POLQ: variants seen among roughly 807,000 people sequenced by gnomAD.
POLQ encodes the protein epididymis secretory sperm binding protein.
A neutral mutation model predicts 259.2 loss-of-function variants in POLQ; 233 were observed. The ratio of observed to expected loss-of-function variants is 0.90; its 90% CI spans 0.81 to 1.00. The LOEUF (loss-of-function observed/expected upper bound fraction) is 1.00. POLQ is among the 50% of genes least tolerant of loss of function. POLQ has a pLI of 0.00. For missense variants in POLQ, 2,871 were observed against 3,051.6 expected, an observed-to-expected ratio of 0.94 and a Z score of 1.39; for synonymous variants, 1,025 against 1,048.8, an observed-to-expected ratio of 0.98 and a Z score of 0.44.
chr3:121,509,725 G>A (rs775636053), intron 11 of POLQ, 22 bp from the exon 12 acceptor site: 1 of 1,591,554 alleles, frequency 6.3e-7, no homozygotes, highest in Non-Finnish European at 8.5e-7. Context: ...TTAGGGTGAG[G>A]AAACAGAGGA....
At chr3:121,445,184 T>C (rs1476286056) in intron 26 of POLQ, among the ~76,000 whole-genome samples, 1 of 152,200 alleles carries the variant, frequency 6.6e-6, no homozygotes, top group East Asian at 1.9e-4. Context: ...GTAGGATTGG[T>C]ATTAGTTATT....
At chr3:121,446,582 A>G (rs1381270437) in intron 26 of POLQ, among the ~76,000 whole-genome samples, 1 of 152,022 alleles carries the variant, frequency 6.6e-6, no homozygotes, top group Non-Finnish European at 1.5e-5. Context: ...TTTAGCTCTA[A>G]TGATATTTGC....
intron 10 of POLQ, 134 bp from the exon 11 acceptor site, chr3:121,510,377 A>C (rs926911536): frequency 3.2e-6 from 2 of 631,108 alleles, no homozygotes; most frequent in African/African-American, 1.8e-5. Context: ...GGAGATGGAG[A>C]CCATCCTGGT....
Position 121,488,146 on chromosome 3 carries a change from A to G in POLQ, c.4785T>C (p.Asp1595=), listed in dbSNP as rs1360625865. ...CTTGGTGGTGCTCATCAAGTACTGGATCACTTAGTTCTAATGCTCTAGGAG... is the reference window on the plus strand; with the variant it reads ...CTTGGTGGTGCTCATCAAGTACTGGGTCACTTAGTTCTAATGCTCTAGGAG... ...VVSPRALELS[D]PVLDEHHQGD... The change falls in exon 16 of 30, where the codon GAT becomes GAC. Residue 1595 remains aspartate (D), a synonymous_variant. Coordinates refer to ENST00000264233, the MANE Select transcript of POLQ (RefSeq NM_199420.4). 1 of 1,613,312 alleles carries G rather than the reference A, an allele frequency of 6.2e-7. No individual in the cohort carries two copies. Among genetic ancestry groups the G allele is most frequent in the Admixed American group, 1.7e-5 (1 of 59,970 alleles).
At chr3:121,486,993 TTA>T (rs1280719972) in intron 16 of POLQ, among the ~76,000 whole-genome samples, 3 of 151,942 alleles carry the variant, frequency 2.0e-5, no homozygotes, top group African/African-American at 4.8e-5. Flanking sequence ...ATAAAAACCA[TTA>T]TGTTACAACA....
In POLQ at chr3:121,432,179, A is replaced by G; in HGVS notation, c.*125T>C. The G allele has an allele frequency of 9.4e-6, 8 of 855,554 alleles. No individual in the cohort carries two copies. The highest frequency in any genetic ancestry group is 1.4e-5 in the Non-Finnish European group (8 of 586,808). The allele number at this position is 855,554 out of a possible 1,614,324, so 53.0% of individuals were successfully genotyped here. A position where few individuals can be genotyped will look rare whatever the true frequency, so the allele number is the denominator to read the frequency against. On this transcript the variant is annotated 3_prime_UTR_variant, in exon 30 of 30. Coordinates refer to ENST00000264233, the MANE Select transcript of POLQ (RefSeq NM_199420.4). ...AGTTTGAAACTCTCACTATAAAATT[A>G]CTAGGCTAAGTCTATCAAGACTTGA...
At chr3:121,510,269 T>G in intron 10 of POLQ, 26 bp from the exon 11 acceptor site, 1 of 1,563,848 alleles carries the variant, frequency 6.4e-7, no homozygotes, top group Non-Finnish European at 8.8e-7. Context: ...TGGAAATTTC[T>G]GTAGCTTTTT....
chr3:121,500,625 A>G (rs965229763), intron 12 of POLQ, among the ~76,000 whole-genome samples: 2 of 152,200 alleles, frequency 1.3e-5, no homozygotes, highest in Non-Finnish European at 2.9e-5. Context: ...GAGTACCAGG[A>G]GAAGATAGAA....
At chr3:121,519,231 G>C (rs1290234038) in intron 9 of POLQ, among the ~76,000 whole-genome samples, 1 of 151,788 alleles carries the variant, frequency 6.6e-6, no homozygotes, top group African/African-American at 2.4e-5. Context: ...ACTACACCTA[G>C]AAATTAAAAA....
chr3:121,459,516 G>C (rs1401732330), intron 25 of POLQ, among the ~76,000 whole-genome samples: 11 of 151,732 alleles, frequency 7.2e-5, no homozygotes, highest in Non-Finnish European at 1.6e-4. Context: ...CAAGTAGCTG[G>C]GACTACAGGC....
chr3:121,490,034 G>T lies in POLQ; in HGVS notation c.2897C>A (p.Thr966Lys). ...CTGGAAATTACAATTAAAGGAACTT[G>T]TATGCTCTCTACTTTTATTTAAGTC... ...VQDLNKSREHTSSFNCNFQNG... is the reference protein window; with the variant it reads ...VQDLNKSREHKSSFNCNFQNG... Residue 966 changes from threonine (T) to lysine (K), a missense_variant, in exon 16 of 30, where the codon ACA becomes AAA. Physicochemically the swap from Thr to Lys is moderately conservative, Grantham distance 78. Coordinates refer to ENST00000264233, the MANE Select transcript of POLQ (RefSeq NM_199420.4). 1 of 1,574,678 alleles carries T rather than the reference G, an allele frequency of 6.4e-7. No homozygotes were observed. Among genetic ancestry groups the T allele is most frequent in the Non-Finnish European group, 8.6e-7 (1 of 1,166,154 alleles).
chr3:121,489,272 CA>C lies in POLQ; in HGVS notation c.3658del (p.Cys1220ValfsTer8). ...QKNIIERQMP[C>X]EAVSSYINRD... is the part of the protein sequence containing the mutation. ...ATTTATGTAACTACTGACTGCTTCA[CA>C]GGGCATTTGTCTCTCTATTATATTT... On this transcript the variant is annotated frameshift_variant, in exon 16 of 30. Transcript: ENST00000264233. LOFTEE classifies it high-confidence loss of function. The C allele has an allele frequency of 6.2e-7, 1 of 1,613,714 alleles. No homozygotes were observed. The highest frequency in any genetic ancestry group is 1.1e-5 in the South Asian group (1 of 91,030).
In POLQ at chr3:121,522,282, ATCTTTTTTTTTT is replaced by A. The variant is rs1576425490; in HGVS notation, c.1109-145_1109-134del. ...CTGCATACTATATAATCCCCTGGAG[ATCTTTTTTTTTT>A]TTTTTTTTTTTTTTTTTTTTTTTTT... On this transcript the variant is annotated intron_variant, in intron 7 of 29. Coordinates refer to ENST00000264233, the MANE Select transcript of POLQ (RefSeq NM_199420.4). 5.0e-5 allele frequency: 5 copies of A among 100,782 alleles called. No homozygotes were observed. The East Asian group carries it at 1.7e-3, about 34-fold the overall frequency. 6.2% of individuals were successfully genotyped at this position (100,782 alleles called of 1,614,324 possible).
intron 9 of POLQ, among the ~76,000 whole-genome samples, chr3:121,513,959 T>C (rs1576422783): frequency 7.3e-6 from 1 of 136,116 alleles, no homozygotes; most frequent in African/African-American, 2.8e-5. Context: ...GAGGTGGAGG[T>C]TGCAGTGAGC....
intron 27 of POLQ, among the ~76,000 whole-genome samples, chr3:121,438,660 T>A (rs2047564009): frequency 6.6e-6 from 1 of 152,320 alleles, no homozygotes; most frequent in East Asian, 1.9e-4. Context: ...CCTTCAAGAA[T>A]CTGTTTAAGT....
At chr3:121,437,507 T>C (rs1348097636) in intron 27 of POLQ, among the ~76,000 whole-genome samples, 1 of 152,234 alleles carries the variant, frequency 6.6e-6, no homozygotes, top group African/African-American at 2.4e-5. Flanking sequence ...TACTACTTTA[T>C]ACCCACCAGA....
intron 19 of POLQ, among the ~76,000 whole-genome samples, chr3:121,477,719 A>G (rs1468047220): frequency 6.6e-6 from 1 of 152,200 alleles, no homozygotes; most frequent in African/African-American, 2.4e-5. Context: ...AGAATCCCTA[A>G]GACTTCAGCT....
rs1281078595 is a variant in POLQ at position 121,488,089 on chromosome 3, C to A, written c.4842G>T (p.Arg1614Ser). The A allele has an allele frequency of 3.1e-6, 5 of 1,613,662 alleles. No homozygotes were observed. In the Admixed American group the frequency reaches 5.0e-5, roughly 16 times the overall value. ...TCCCAGTTAATTTTGATTTTTCAGC[C>A]CTTTCATCTTGATCTCCTCCATCTT... is the stretch of plus-strand genomic sequence containing the variant. ...GDQDGGDQDE[R>S]AEKSKLTGTR... Residue 1614 changes from arginine (R) to serine (S), a missense_variant, in exon 16 of 30, where the codon AGG becomes AGT. Coordinates refer to ENST00000264233, the MANE Select transcript of POLQ (RefSeq NM_199420.4).
At chr3:121,455,794 C>G (rs1425886260) in intron 25 of POLQ, among the ~76,000 whole-genome samples, 9 of 152,206 alleles carry the variant, frequency 5.9e-5, no homozygotes, top group Non-Finnish European at 1.3e-4. Flanking sequence ...CAGCCAAATT[C>G]TACCAGAGTT....
Sources: gnomAD v4.1 joint callset for allele counts (sites outside exome capture counted in the v4.1 genomes callset) on GRCh38, gnomAD v4.1.1 for gene constraint, MANE v1.5 for transcripts, NCBI Gene and HGNC (gene_info 2026-07-23, HGNC 2026-07-21) for gene names.